The following MAP4 variants were observed in gnomAD, a reference collection of about 807,000 sequenced individuals.
MAP4 encodes microtubule-associated protein 4.
Under a neutral mutation model 170.2 loss-of-function variants are expected in MAP4, and 76 were observed. That is an observed-to-expected ratio of 0.45 (90% CI 0.37 to 0.54). The LOEUF (loss-of-function observed/expected upper bound fraction) is 0.54, where lower values mean the gene tolerates loss of function less well. Ranked by LOEUF, MAP4 falls within the 20% of genes least tolerant of loss-of-function variation. MAP4 has a pLI of 0.00. For synonymous variants in MAP4, 909 were observed against 994.5 expected, an observed-to-expected ratio of 0.91 and a Z score of 1.62; for missense variants, 2,506 against 2,748.0, an observed-to-expected ratio of 0.91 and a Z score of 1.97.
At chr3:47,922,712 A>G (rs1448570524) in intron 4 of MAP4, among the ~76,000 whole-genome samples, 1 of 152,196 alleles carries the variant, frequency 6.6e-6, no homozygotes, top group Non-Finnish European at 1.5e-5. Flanking sequence ...GCATGAATAA[A>G]AGCACTCAAA....
intron 1 of MAP4, among the ~76,000 whole-genome samples, chr3:48,075,180 C>A (rs981215111): frequency 6.6e-6 from 1 of 152,078 alleles, no homozygotes; most frequent in East Asian, 1.9e-4. Context: ...GGTGAAAATA[C>A]AAGAAAGCAA....
At chr3:48,000,238 A>C (rs2100098413) in intron 1 of MAP4, among the ~76,000 whole-genome samples, 1 of 150,398 alleles carries the variant, frequency 6.6e-6, no homozygotes, top group Non-Finnish European at 1.5e-5. Context: ...AAAAAAAAAA[A>C]AAAAAAAAAG....
At chr3:48,037,323 T>C (rs2100119234) in intron 1 of MAP4, among the ~76,000 whole-genome samples, 1 of 152,206 alleles carries the variant, frequency 6.6e-6, no homozygotes, top group Non-Finnish European at 1.5e-5. Context: ...ATATCAATTA[T>C]TGTCCATCTT....
rs533614702 is a variant in MAP4, at chr3:48,008,021, G to A, written c.-20+8313C>T. ...AGTGGAAATTGAATGTTTGACTATG[G>A]GTCATCAAGTCACCATGCGACCTGA... On this transcript the variant is annotated intron_variant, in intron 1 of 20. Transcript: ENST00000683076. Among the ~76,000 whole-genome samples the A allele has an allele frequency of 2.1e-4, 32 of 152,200 alleles. 1 individual carries two copies. The highest frequency in any genetic ancestry group is 1.6e-3 in the Admixed American group (24 of 15,294).
At chr3:47,967,109 G>A (rs2100075578) in intron 3 of MAP4, among the ~76,000 whole-genome samples, 1 of 152,204 alleles carries the variant, frequency 6.6e-6, no homozygotes, top group South Asian at 2.1e-4. Context: ...GGCCGAGGCG[G>A]GCAGATGACC....
At chr3:48,019,118 A>T (rs1358166342), upstream of MAP4, among the ~76,000 whole-genome samples, 1 of 152,214 alleles carries the variant, frequency 6.6e-6, no homozygotes, top group Non-Finnish European at 1.5e-5. Context: ...CAGGAAGACC[A>T]CTTGAGCCCA....
chr3:47,894,510 G>A (rs1338495243), intron 10 of MAP4, among the ~76,000 whole-genome samples: 2 of 152,010 alleles, frequency 1.3e-5, no homozygotes, highest in African/African-American at 2.4e-5. Flanking sequence ...GTGAACCCAC[G>A]AGGCGGAGCT....
At chr3:47,954,145 C>A (rs1205349879) in intron 3 of MAP4, among the ~76,000 whole-genome samples, 1 of 152,120 alleles carries the variant, frequency 6.6e-6, no homozygotes, top group Non-Finnish European at 1.5e-5. Context: ...CATGGGTTGG[C>A]AAACTTTATT....
At chr3:47,896,952 C>T (rs1013782416) in intron 10 of MAP4, among the ~76,000 whole-genome samples, 1 of 151,992 alleles carries the variant, frequency 6.6e-6, no homozygotes, top group Non-Finnish European at 1.5e-5. Context: ...CCTAACAGAC[C>T]CCTCATTTTA....
chr3:47,970,386 G>A (rs2100077889), intron 3 of MAP4, among the ~76,000 whole-genome samples: 1 of 152,186 alleles, frequency 6.6e-6, no homozygotes, highest in South Asian at 2.1e-4. Context: ...TTGGGAGGCT[G>A]AGGCAGGAGA....
At chr3:48,013,385 T>C (rs1267037635) in intron 1 of MAP4, 2 of 152,148 alleles carry the variant, frequency 1.3e-5, no homozygotes, top group Admixed American at 1.3e-4. Flanking sequence ...TAACTTTAAA[T>C]AGATTTGTGA....
At chr3:48,065,167 C>T (rs1379603287) in intron 1 of MAP4, among the ~76,000 whole-genome samples, 1 of 152,062 alleles carries the variant, frequency 6.6e-6, no homozygotes, top group African/African-American at 2.4e-5. Context: ...TAAAAAAGAA[C>T]CTCTGCACAA....
chr3:48,056,754 C>T (rs2100132047), intron 1 of MAP4, among the ~76,000 whole-genome samples: 1 of 63,534 alleles, frequency 1.6e-5, no homozygotes, highest in Non-Finnish European at 3.1e-5. Context: ...AGTGAGGAGC[C>T]CCTCTGCCCG....
At chr3:47,882,829 C>T (rs1035634488) in intron 10 of MAP4, among the ~76,000 whole-genome samples, 4 of 151,840 alleles carry the variant, frequency 2.6e-5, no homozygotes, top group African/African-American at 7.2e-5. Flanking sequence ...TTTTTAAAGA[C>T]AGAGTCTCAC....
At position 47,904,637 on chromosome 3, in the gene MAP4, C is replaced by CT. The variant is rs557636238; in HGVS notation, c.5384-1638dup. On this transcript the variant is annotated intron_variant, in intron 9 of 20. Transcript: ENST00000683076. ...TTTTTACTAACACCACTAATAATAT[C>CT]TTTTTTTTTTTTGGGCGGGGGGGCT... Among the ~76,000 whole-genome samples, 423 of 43,520 alleles carry CT rather than the reference C, an allele frequency of 9.7e-3. 3 individuals carry two copies. Among genetic ancestry groups the CT allele is most frequent in the African/African-American group, 0.02 (215 of 10,970 alleles). 28.6% of individuals were successfully genotyped at this position (43,520 alleles called of 152,430 possible).
chr3:47,992,310 T>C (rs2100092811), intron 2 of MAP4, among the ~76,000 whole-genome samples: 1 of 152,234 alleles, frequency 6.6e-6, no homozygotes, highest in South Asian at 2.1e-4. Flanking sequence ...GTTTTTCTTA[T>C]TTGATGTCTC....
chr3:47,855,497 A>T lies in MAP4; in HGVS notation c.6584-137T>A. The T allele has an allele frequency of 1.5e-6, 1 of 655,766 alleles. No homozygotes were observed. The highest frequency in any genetic ancestry group is 1.7e-5 in the South Asian group (1 of 59,138). The allele number at this position is 655,766 out of a possible 1,614,324, so 40.6% of individuals were successfully genotyped here. A position where few individuals can be genotyped will look rare whatever the true frequency, so the allele number is the denominator to read the frequency against. On this transcript the variant is annotated intron_variant, in intron 18 of 20. Transcript: ENST00000683076. This position sits in a 1 kb window ranked among gnomAD's most constrained non-coding sequence, Gnocchi z 5.1. Reference sequence around the variant, plus strand: ...GGGTGGCAAATGAAGAACAGTGAACACGTTTGTCTAAAGAGGACTTCTCAT... The same window carrying T: ...GGGTGGCAAATGAAGAACAGTGAACTCGTTTGTCTAAAGAGGACTTCTCAT...
At chr3:47,930,439 G>A (rs370163340) in intron 3 of MAP4, among the ~76,000 whole-genome samples, 2 of 146,886 alleles carry the variant, frequency 1.4e-5, no homozygotes, top group South Asian at 2.1e-4. Context: ...GCGACAGAGC[G>A]AGACTCCGTC....
chr3:48,002,099 C>T (rs2100099471), intron 1 of MAP4, among the ~76,000 whole-genome samples: 1 of 152,056 alleles, frequency 6.6e-6, no homozygotes. Context: ...TTTCAGGAGG[C>T]TGGGGCAGGG....
Sources: gnomAD v4.1 joint callset for allele counts (sites outside exome capture counted in the v4.1 genomes callset) on GRCh38, gnomAD v4.1.1 for gene constraint, Gnocchi (gnomAD v3.1) non-coding constraint, MANE v1.5 for transcripts, NCBI Gene and HGNC (gene_info 2026-07-23, HGNC 2026-07-21) for gene names.